Variants in PPP6R3 observed in about 807,000 individuals in gnomAD.
PPP6R3 encodes protein phosphatase 6 regulatory subunit 3.
A neutral mutation model predicts 110.7 loss-of-function variants in PPP6R3; 38 were observed. The ratio of observed to expected loss-of-function variants is 0.34; its 90% CI spans 0.26 to 0.45. The LOEUF is 0.45. Among genes scored for constraint, PPP6R3 ranks in the 20% least tolerant of loss-of-function variants. The pLI, the probability that PPP6R3 is intolerant of heterozygous loss-of-function variation, is 1.00. For missense variants in PPP6R3, 870 were observed against 1,062.4 expected (o/e 0.82, Z 2.52); for synonymous variants, 369 against 373.5 (o/e 0.99, Z 0.14).
chr11:68,601,836 A>G, intron 20 of PPP6R3, 27 bp from the exon 21 acceptor site: 1 of 1,570,040 alleles, frequency 6.4e-7, no homozygotes, highest in Non-Finnish European at 8.8e-7. Context: ...CCTGCTGCTA[A>G]TATCTGAATT....
intron 1 of PPP6R3, among the ~76,000 whole-genome samples, chr11:68,477,115 C>A (rs2098838093): frequency 6.6e-6 from 1 of 151,666 alleles, no homozygotes; most frequent in Non-Finnish European, 1.5e-5. Flanking sequence ...TTAGTTTGTG[C>A]AGATTTTCAT....
chr11:68,468,804 G>A (rs1481190174), intron 1 of PPP6R3, among the ~76,000 whole-genome samples: 1 of 152,166 alleles, frequency 6.6e-6, no homozygotes, highest in Non-Finnish European at 1.5e-5. Flanking sequence ...AATTTCTGCT[G>A]GTGGAGTAGA....
At chr11:68,591,814 C>A in intron 18 of PPP6R3, 108 bp downstream of exon 18, 1 of 1,334,214 alleles carries the variant, frequency 7.5e-7, no homozygotes, top group Admixed American at 3.2e-5. Context: ...ACCCAGAAAC[C>A]AGTGTTTTTT....
intron 1 of PPP6R3, among the ~76,000 whole-genome samples, chr11:68,493,977 C>T (rs1232879731): frequency 6.6e-6 from 1 of 151,348 alleles, no homozygotes; most frequent in African/African-American, 2.4e-5. Flanking sequence ...GTGGCGGGAG[C>T]CTGTAGTCCC....
intron 2 of PPP6R3, among the ~76,000 whole-genome samples, chr11:68,523,823 T>C (rs796316475): frequency 4.6e-5 from 7 of 152,040 alleles, no homozygotes; most frequent in African/African-American, 1.7e-4. Flanking sequence ...TTTAAGTTTT[T>C]TGTCTTTTCA....
intron 9 of PPP6R3, among the ~76,000 whole-genome samples, chr11:68,565,380 AT>A (rs1350439145): frequency 6.6e-6 from 1 of 151,788 alleles, no homozygotes; most frequent in Non-Finnish European, 1.5e-5. Flanking sequence ...GCCACATCTT[AT>A]CTGCATTCAG....
In PPP6R3 at chr11:68,477,542, T is replaced by C. The variant is rs1016239236; in HGVS notation, c.-158+16715T>C. On this transcript the variant is annotated intron_variant, in intron 1 of 23. Transcript: ENST00000393800. ...GAGTTTGAGACCAGCCTGTGCAACA[T>C]AGGGAGACCCCATCTCTACACAAAA... Among the ~76,000 whole-genome samples the C allele has an allele frequency of 4.0e-5, 6 of 151,026 alleles. No homozygotes were observed. In the South Asian group the frequency reaches 1.0e-3, roughly 26 times the overall value.
chr11:68,480,613 G>A (rs2098900257), intron 1 of PPP6R3, among the ~76,000 whole-genome samples: 1 of 152,212 alleles, frequency 6.6e-6, no homozygotes, highest in Non-Finnish European at 1.5e-5. Flanking sequence ...TGCTCCTCAT[G>A]TTGGCCAGTC....
At position 68,583,100 on chromosome 11, in the gene PPP6R3, G is replaced by T; in HGVS notation, c.1603G>T (p.Gly535Cys). ...SDDEIDFKETGFSQDSSLQQA... is the reference protein window; with the variant it reads ...SDDEIDFKETCFSQDSSLQQA... ...TGATGAAATTGACTTTAAAGAAACG[G>T]GTTTCTCACAGGATTCTTCTTTGCA... Residue 535 changes from glycine to cysteine, a missense_variant, in exon 15 of 24, where the codon GGT (glycine) becomes TGT (cysteine). Gly to Cys is a radical substitution (Grantham distance 159, BLOSUM62 -3). Transcript: ENST00000393800. 6.5e-7 allele frequency: 1 copy of T among 1,547,302 alleles called. No homozygotes were observed.
intron 1 of PPP6R3, among the ~76,000 whole-genome samples, chr11:68,461,043 GGCCCCGCCAGGACGGGCGCCGGGA>G (rs1463515953): frequency 6.6e-6 from 1 of 151,774 alleles, no homozygotes; most frequent in Non-Finnish European, 1.5e-5. Flanking sequence ...GTTAGCCGGG[GGCCCCGCCAGGACGGGCGCCGGGA>G]GCGGGACGCG....
intron 1 of PPP6R3, among the ~76,000 whole-genome samples, chr11:68,490,330 C>T (rs2098975829): frequency 6.6e-6 from 1 of 152,054 alleles, no homozygotes; most frequent in Admixed American, 6.6e-5. Flanking sequence ...AGGTAAGGTT[C>T]CCTCCCACCT....
chr11:68,614,267 C>CTAAT lies in PPP6R3; in HGVS notation c.*1152_*1155dup. On this transcript the variant is annotated 3_prime_UTR_variant, in exon 24 of 24. Coordinates refer to ENST00000393800, the MANE Select transcript of PPP6R3 (RefSeq NM_001164161.2). ...TGTATATATATAGTGATTATGGATACTAATTCAATGTAATTTATAATTTTC... is the reference window on the plus strand; with the variant it reads ...TGTATATATATAGTGATTATGGATACTAATTAATTCAATGTAATTTATAATTTTC... 9.7e-7 allele frequency: 1 copy of CTAAT among 1,031,792 alleles called. No homozygotes were observed. The highest frequency in any genetic ancestry group is 1.0e-4 in the East Asian group (1 of 9,562). The allele number at this position is 1,031,792 out of a possible 1,614,324, so 63.9% of individuals were successfully genotyped here.
intron 22 of PPP6R3, among the ~76,000 whole-genome samples, chr11:68,607,121 C>A (rs1219732321): frequency 6.6e-6 from 1 of 152,166 alleles, no homozygotes; most frequent in Non-Finnish European, 1.5e-5. Context: ...TTAACGCAGT[C>A]TCAATCCAAA....
At chr11:68,480,297 A>G (rs376664976) in intron 1 of PPP6R3, among the ~76,000 whole-genome samples, 59 of 152,312 alleles carry the variant, frequency 3.9e-4, no homozygotes, top group African/African-American at 1.2e-3. Flanking sequence ...GTGGCAACCA[A>G]TCTTTGTCTG....
intron 2 of PPP6R3, among the ~76,000 whole-genome samples, chr11:68,522,000 A>G (rs892007476): frequency 6.6e-6 from 1 of 152,166 alleles, no homozygotes; most frequent in Non-Finnish European, 1.5e-5. Flanking sequence ...GTCTTTTTAC[A>G]CAGGTAGGTA....
At chr11:68,560,972 C>A (rs1284533614) in intron 8 of PPP6R3, among the ~76,000 whole-genome samples, 1 of 147,202 alleles carries the variant, frequency 6.8e-6, no homozygotes, top group African/African-American at 2.5e-5. Context: ...TCTCGGCTCA[C>A]TGCAAGCTCC....
intron 10 of PPP6R3, among the ~76,000 whole-genome samples, chr11:68,569,169 G>T (rs534642036): frequency 8.5e-5 from 13 of 152,226 alleles, no homozygotes; most frequent in Admixed American, 2.0e-4. Context: ...ACGTACTCTT[G>T]TCTTTGTATG....
chr11:68,613,172 C>T lies in PPP6R3; in HGVS notation c.*55C>T, dbSNP rs1944429352. The T allele has an allele frequency of 2.5e-6, 4 of 1,608,640 alleles. No individual in the cohort carries two copies. In the Admixed American group the frequency reaches 6.7e-5, roughly 27 times the overall value. On this transcript the variant is annotated 3_prime_UTR_variant, in exon 24 of 24. Coordinates refer to ENST00000393800, the MANE Select transcript of PPP6R3 (RefSeq NM_001164161.2). ...ACTGCAGACCGCCACCACTCAGGGGCTCTGGAGGGGTCAGCTGGAGCCCAC... is the reference window on the plus strand; with the variant it reads ...ACTGCAGACCGCCACCACTCAGGGGTTCTGGAGGGGTCAGCTGGAGCCCAC...
intron 1 of PPP6R3, among the ~76,000 whole-genome samples, chr11:68,472,912 A>T (rs967348996): frequency 6.6e-6 from 1 of 152,232 alleles, no homozygotes; most frequent in African/African-American, 2.4e-5. Context: ...AGCATGTATC[A>T]GTATCAGTCC....
Sources: gnomAD v4.1 joint callset for allele counts (sites outside exome capture counted in the v4.1 genomes callset) on GRCh38, gnomAD v4.1.1 for gene constraint, MANE v1.5 for transcripts, NCBI Gene and HGNC (gene_info 2026-07-23, HGNC 2026-07-21) for gene names.